NPHP4: variants seen among roughly 807,000 people sequenced by gnomAD.
The protein encoded by NPHP4 is nephrocystin 4.
Under a neutral mutation model 155.8 loss-of-function variants are expected in NPHP4, and 151 were observed. That is an observed-to-expected ratio of 0.97 (90% confidence interval 0.85 to 1.11). The LOEUF (loss-of-function observed/expected upper bound fraction) is 1.11, where lower values mean the gene tolerates loss of function less well. NPHP4 is among the 50% of genes least tolerant of loss of function. The pLI is 0.00. For missense variants in NPHP4, 1,956 were observed against 1,925.7 expected (o/e 1.02, Z -0.29); for synonymous variants, 845 against 816.8 (o/e 1.03, Z -0.59).
At chr1:5,991,269 G>C (rs990015449) in intron 1 of NPHP4, among the ~76,000 whole-genome samples, 2 of 128,616 alleles carry the variant, frequency 1.6e-5, no homozygotes, top group Admixed American at 8.2e-5. Flanking sequence ...CAGCAGACAA[G>C]CTCGCTACCC....
intron 2 of NPHP4, 129 bp from the exon 3 acceptor site, chr1:5,978,542 G>A (rs1570736747): frequency 3.6e-6 from 3 of 830,426 alleles, no homozygotes; most frequent in Non-Finnish European, 5.7e-6. Context: ...CTTATTGGGA[G>A]GCTACCTCTC....
At position 5,973,495 on chromosome 1, in the gene NPHP4, G is replaced by A. The variant is rs529433087; in HGVS notation, c.280-4236C>T. On this transcript the variant is annotated intron_variant, in intron 3 of 29. Transcript: ENST00000378156. ...CCAGCTACTTGGGAGGCTGAGGAGG[G>A]AGGATCACTTGAGCCCAGGAGTCCA... Among the ~76,000 whole-genome samples the A allele has an allele frequency of 3.9e-4, 59 of 152,322 alleles. No individual in the cohort carries two copies. In the South Asian group the frequency reaches 7.5e-3, roughly 19 times the overall value.
intron 26 of NPHP4, 96 bp downstream of exon 26, chr1:5,866,277 A>G: frequency 1.2e-6 from 1 of 829,294 alleles, no homozygotes; most frequent in Non-Finnish European, 2.1e-6. Context: ...AATTTTAGGA[A>G]GGGGCCAAGC....
chr1:5,898,267 T>C (rs1644492444), intron 16 of NPHP4, among the ~76,000 whole-genome samples: 1 of 152,052 alleles, frequency 6.6e-6, no homozygotes, highest in Non-Finnish European at 1.5e-5. Context: ...CAAAAAGGGT[T>C]GAAGGCACCA....
intron 2 of NPHP4, among the ~76,000 whole-genome samples, chr1:5,984,010 AATT>A (rs1371418157): frequency 6.6e-6 from 1 of 152,182 alleles, no homozygotes; most frequent in Non-Finnish European, 1.5e-5. Context: ...CACTTCTAGG[AATT>A]ATTCTACAGA....
At chr1:5,927,837 C>G (rs1449386915) in intron 10 of NPHP4, 50 bp from the exon 11 acceptor site, 1 of 1,561,212 alleles carries the variant, frequency 6.4e-7, no homozygotes, top group Admixed American at 1.7e-5. Context: ...ATCAGCACGC[C>G]TATCAGAACG....
Position 5,946,392 on chromosome 1 carries a change from T to C in NPHP4, c.1119+712A>G, listed in dbSNP as rs535051163. 5.3e-5 allele frequency among the ~76,000 whole-genome samples: 8 copies of C among 152,340 alleles called. No homozygotes were observed. In the East Asian group the frequency reaches 1.5e-3, roughly 29 times the overall value. On this transcript the variant is annotated intron_variant, in intron 9 of 29. Coordinates refer to ENST00000378156, the MANE Select transcript of NPHP4 (RefSeq NM_015102.5). Reference sequence around the variant, plus strand: ...CCTATGAGAAACCATCTCTCATTTGTGCAAACTCAAGCTTTACCACACTAC... The same window carrying C: ...CCTATGAGAAACCATCTCTCATTTGCGCAAACTCAAGCTTTACCACACTAC...
chr1:5,868,080 A>T, intron 23 of NPHP4, 184 bp from the exon 24 acceptor site: 1 of 741,400 alleles, frequency 1.3e-6, no homozygotes, highest in Non-Finnish European at 2.4e-6. Context: ...GGTCTCCACC[A>T]GGAGGGGACC....
At chr1:5,864,873 A>G (rs1273872161) in intron 27 of NPHP4, 17 of 562,624 alleles carry the variant, frequency 3.0e-5, no homozygotes, top group Non-Finnish European at 5.1e-5. Context: ...TCACCTTGCC[A>G]GGAATTCTGA....
chr1:5,952,216 G>A (rs780191432), intron 7 of NPHP4, among the ~76,000 whole-genome samples: 3 of 152,196 alleles, frequency 2.0e-5, no homozygotes, highest in Non-Finnish European at 4.4e-5. Context: ...TGAGATGACC[G>A]AGGCTTCCAG....
intron 23 of NPHP4, among the ~76,000 whole-genome samples, chr1:5,872,231 T>C (rs978171593): frequency 1.3e-5 from 2 of 152,224 alleles, no homozygotes; most frequent in Non-Finnish European, 2.9e-5. Flanking sequence ...TTGTGCTACA[T>C]TGGCACAGAA....
chr1:5,967,671 C>T (rs1651782292), intron 4 of NPHP4, among the ~76,000 whole-genome samples: 2 of 152,212 alleles, frequency 1.3e-5, no homozygotes, highest in South Asian at 2.1e-4. Flanking sequence ...TGAGGAATTT[C>T]CACAGCTGTA....
At chr1:5,946,293 T>C (rs563413669) in intron 9 of NPHP4, among the ~76,000 whole-genome samples, 1 of 152,310 alleles carries the variant, frequency 6.6e-6, no homozygotes, top group African/African-American at 2.4e-5. Context: ...ATAAATGATG[T>C]CCACATATTT....
intron 2 of NPHP4, 130 bp from the exon 3 acceptor site, chr1:5,978,543 G>A: frequency 1.2e-6 from 1 of 819,320 alleles, no homozygotes; most frequent in African/African-American, 1.7e-5. Context: ...TTATTGGGAG[G>A]CTACCTCTCT....
At chr1:5,932,144 T>C (rs552116132) in intron 10 of NPHP4, among the ~76,000 whole-genome samples, 1 of 152,150 alleles carries the variant, frequency 6.6e-6, no homozygotes, top group Non-Finnish European at 1.5e-5. Context: ...TGGAGGGTTG[T>C]GCCTTGATAT....
chr1:5,988,706 T>TCA, intron 1 of NPHP4, among the ~76,000 whole-genome samples: 1 of 152,316 alleles, frequency 6.6e-6, no homozygotes, highest in East Asian at 1.9e-4. Context: ...CCGGCATGTG[T>TCA]GGGAACCGAG....
intron 9 of NPHP4, among the ~76,000 whole-genome samples, chr1:5,933,605 A>G (rs1317016774): frequency 6.6e-6 from 1 of 152,166 alleles, no homozygotes; most frequent in African/African-American, 2.4e-5. Flanking sequence ...GGCCCAAGGT[A>G]GTGATGGCTT....
chr1:5,868,021 C>A (rs1307932583), intron 23 of NPHP4, 125 bp from the exon 24 acceptor site: 1 of 1,012,688 alleles, frequency 9.9e-7, no homozygotes. Context: ...CTGCCATGAG[C>A]GGGGAAGGTC....
At chr1:5,877,844 T>G (rs532228881) in intron 19 of NPHP4, among the ~76,000 whole-genome samples, 73 of 152,092 alleles carry the variant, frequency 4.8e-4, no homozygotes, top group African/African-American at 1.7e-3. Context: ...TCCTCTGGGG[T>G]GGCCCTACTC....
Sources: gnomAD v4.1 joint callset for allele counts (sites outside exome capture counted in the v4.1 genomes callset) on GRCh38, gnomAD v4.1.1 for gene constraint, MANE v1.5 for transcripts, NCBI Gene and HGNC (gene_info 2026-07-23, HGNC 2026-07-21) for gene names.